The following NUP58 variants were observed in gnomAD, a reference collection of about 807,000 sequenced individuals.
The protein encoded by NUP58 is nucleoporin 58, also known as nucleoporin p58/p45.
Under a neutral mutation model 70.1 loss-of-function variants are expected in NUP58, and 17 were observed. The observed-to-expected ratio is 0.24, with a 90% CI of 0.17 to 0.36. The LOEUF is 0.36. NUP58 is among the 10% of genes least tolerant of loss of function. The probability of loss-of-function intolerance (pLI) is 1.00; values close to 1 mark genes in which losing one functional copy is unlikely to be tolerated. For synonymous variants in NUP58, 275 were observed against 257.6 expected (o/e 1.07, Z -0.65); for missense variants, 644 against 701.5 (o/e 0.92, Z 0.93).
chr13:25,338,936 A>T (rs1293860077), intron 15 of NUP58: 1 of 371,834 alleles, frequency 2.7e-6, no homozygotes. Flanking sequence ...TACTTCTAAC[A>T]AGACTTCTTA....
chr13:25,332,085 A>G, intron 13 of NUP58: 5 of 995,320 alleles, frequency 5.0e-6, no homozygotes, highest in Non-Finnish European at 4.8e-6. Context: ...GACTGTAAAC[A>G]GAATACAAGC....
chr13:25,310,609 C>T (rs1566058289), intron 3 of NUP58, among the ~76,000 whole-genome samples: 1 of 150,056 alleles, frequency 6.7e-6, no homozygotes, highest in Non-Finnish European at 1.5e-5. Context: ...GCCACGTGCC[C>T]TCTTTGGCCT....
At chr13:25,307,674 A>G (rs936991252) in intron 1 of NUP58, 132 bp from the exon 2 acceptor site, 11 of 778,068 alleles carry the variant, frequency 1.4e-5, no homozygotes, top group African/African-American at 7.0e-5. Flanking sequence ...TCCTATGACA[A>G]TGTATTAGAT....
At chr13:25,327,081 A>G in intron 11 of NUP58, 47 bp downstream of exon 11, 7 of 1,099,486 alleles carry the variant, frequency 6.4e-6, no homozygotes, top group Non-Finnish European at 9.5e-6. Flanking sequence ...TGTTTGTAGG[A>G]GATAGATGTG....
Position 25,331,574 on chromosome 13 carries a change from A to C in NUP58, c.1435+16A>C. 2 of 1,611,790 alleles carry C rather than the reference A, an allele frequency of 1.2e-6. No homozygotes were observed. The highest frequency in any genetic ancestry group is 1.7e-6 in the Non-Finnish European group (2 of 1,178,676). On this transcript the variant is annotated intron_variant, in intron 13 of 15. Transcript: ENST00000381736. ...CCTGCTACAGGTCTGAACGCATTCA[A>C]GTTATAGCTTCTTACTGTTCCAATG... is the stretch of plus-strand genomic sequence containing the variant.
intron 12 of NUP58, among the ~76,000 whole-genome samples, chr13:25,328,477 C>T (rs2031487431): frequency 6.7e-6 from 1 of 150,302 alleles, no homozygotes; most frequent in South Asian, 2.1e-4. Context: ...TTCACTGCAA[C>T]CTCCACCTCC....
At chr13:25,330,731 T>C (rs2031571824) in intron 12 of NUP58, among the ~76,000 whole-genome samples, 1 of 152,176 alleles carries the variant, frequency 6.6e-6, no homozygotes, top group Admixed American at 6.6e-5. Context: ...TTTTTTTCTT[T>C]GAGGCGGGTG....
At chr13:25,314,875 T>TA (rs1435433342) in intron 5 of NUP58, among the ~76,000 whole-genome samples, 1 of 152,198 alleles carries the variant, frequency 6.6e-6, no homozygotes, top group Admixed American at 6.5e-5. Context: ...TACTTTTTTT[T>TA]AAGTTTTGTG....
intron 7 of NUP58, among the ~76,000 whole-genome samples, chr13:25,320,066 T>C (rs925785206): frequency 6.6e-6 from 1 of 152,158 alleles, no homozygotes; most frequent in Non-Finnish European, 1.5e-5. Flanking sequence ...TAATGCATGT[T>C]GAAGAACTAA....
At chr13:25,330,289 T>G (rs933515080) in intron 12 of NUP58, among the ~76,000 whole-genome samples, 1 of 152,210 alleles carries the variant, frequency 6.6e-6, no homozygotes, top group Non-Finnish European at 1.5e-5. Context: ...TTACATCATA[T>G]GTCTTGATTC....
At position 25,305,144 on chromosome 13, in the gene NUP58, T is replaced by TGTTTG. The variant is rs375797248; in HGVS notation, c.108-2662_108-2661insGTTTG. 3.1e-3 allele frequency among the ~76,000 whole-genome samples: 374 copies of TGTTTG among 119,134 alleles called. 32 individuals are homozygous for TGTTTG. Among genetic ancestry groups the TGTTTG allele is most frequent in the Middle Eastern group, 7.9e-3 (2 of 252 alleles). The allele number at this position is 119,134 out of a possible 152,430, so 78.2% of individuals were successfully genotyped here. Reference sequence around the variant, plus strand: ...AGATCTGTGGGGTTTTTTTTTTTTTTTTTTTTTTTTTTTTTTTGAGACAGG... The same window carrying TGTTTG: ...AGATCTGTGGGGTTTTTTTTTTTTTTGTTTGTTTTTTTTTTTTTTTTTGAGACAGG... On this transcript the variant is annotated intron_variant, in intron 1 of 15. Coordinates refer to ENST00000381736, the MANE Select transcript of NUP58 (RefSeq NM_014089.4).
intron 6 of NUP58, chr13:25,317,564 A>G (rs1462576038): frequency 3.9e-5 from 6 of 152,212 alleles, no homozygotes; most frequent in Non-Finnish European, 8.8e-5. Context: ...GTATGTAAGT[A>G]TTTACAAAAT....
intron 1 of NUP58, 130 bp from the exon 2 acceptor site, chr13:25,307,674 ATG>A: frequency 1.3e-6 from 1 of 778,188 alleles, no homozygotes; most frequent in South Asian, 2.1e-5. Flanking sequence ...TCCTATGACA[ATG>A]TATTAGATAT....
intron 9 of NUP58, among the ~76,000 whole-genome samples, chr13:25,322,147 T>C (rs1316569945): frequency 6.6e-6 from 1 of 152,258 alleles, no homozygotes; most frequent in South Asian, 2.1e-4. Context: ...TCCGTGAAGT[T>C]GTCCCTGATC....
intron 13 of NUP58, chr13:25,332,924 T>G: frequency 1.0e-6 from 1 of 985,350 alleles, no homozygotes; most frequent in Non-Finnish European, 1.2e-6. Context: ...AAACCAACCA[T>G]AGTACTAGTT....
intron 13 of NUP58, chr13:25,333,742 G>A (rs1343147505): frequency 1.0e-6 from 1 of 985,166 alleles, no homozygotes; most frequent in African/African-American, 1.7e-5. Context: ...TACCCCATAA[G>A]TTATCCCTTA....
At chr13:25,313,776 G>T in intron 5 of NUP58, 25 bp downstream of exon 5, 2 of 1,489,064 alleles carry the variant, frequency 1.3e-6, no homozygotes, top group Non-Finnish European at 1.8e-6. Context: ...TTATTCTCCA[G>T]AATAGTAAAT....
chr13:25,335,862 A>C (rs2031762389), intron 13 of NUP58: 26 of 1,059,366 alleles, frequency 2.5e-5, no homozygotes, highest in Non-Finnish European at 3.0e-5. Flanking sequence ...TGCACTGATC[A>C]CTGTGCTTGA....
chr13:25,327,542 G>A, intron 12 of NUP58, 30 bp downstream of exon 12: 4 of 1,411,674 alleles, frequency 2.8e-6, no homozygotes, highest in Non-Finnish European at 4.0e-6. Flanking sequence ...TTATCTACCT[G>A]GATATGTAGA....
Sources: allele counts gnomAD v4.1 joint callset (sites outside exome capture counted in the v4.1 genomes callset), GRCh38; gene constraint gnomAD v4.1.1; transcripts MANE v1.5; gene names NCBI Gene and HGNC (gene_info 2026-07-23, HGNC 2026-07-21).